DLG2: variants seen among roughly 807,000 people sequenced by gnomAD.
The protein encoded by DLG2 is disks large homolog 2.
In DLG2, 45 loss-of-function variants were observed where a neutral mutation model predicts 132.5. The observed-to-expected ratio is 0.34, with a 90% CI of 0.27 to 0.44. The LOEUF is 0.44. Among genes scored for constraint, DLG2 ranks in the 20% least tolerant of loss-of-function variants. The pLI is 1.00. For missense variants in DLG2, 1,045 were observed against 1,196.9 expected (o/e 0.87, Z 1.87); for synonymous variants, 424 against 419.6 (o/e 1.01, Z -0.13).
intron 7 of DLG2, among the ~76,000 whole-genome samples, chr11:84,341,013 T>C (rs1458815739): frequency 3.3e-5 from 5 of 152,158 alleles, no homozygotes; most frequent in Non-Finnish European, 7.3e-5. Context: ...CTGAGTAGTT[T>C]AAGGCTAAGG....
intron 2 of DLG2, among the ~76,000 whole-genome samples, chr11:85,604,749 T>C (rs537804568): frequency 5.3e-5 from 8 of 152,270 alleles, no homozygotes; most frequent in South Asian, 4.1e-4. Flanking sequence ...AACCAAGGGA[T>C]AGTGAATGTT....
At chr11:84,586,776 A>C (rs2099531053) in intron 6 of DLG2, among the ~76,000 whole-genome samples, 1 of 152,094 alleles carries the variant, frequency 6.6e-6, no homozygotes, top group Non-Finnish European at 1.5e-5. Flanking sequence ...CTAATCTTTT[A>C]ATGGTTACTT....
At chr11:84,200,129 C>G (rs532032815) in intron 8 of DLG2, among the ~76,000 whole-genome samples, 2 of 151,916 alleles carry the variant, frequency 1.3e-5, no homozygotes, top group South Asian at 4.2e-4. Flanking sequence ...CAAGACAAAC[C>G]AGTGATGTCT....
intron 18 of DLG2, among the ~76,000 whole-genome samples, chr11:83,734,338 C>CCCTTCCTTCCTT (rs563427546): frequency 1.0e-3 from 99 of 95,334 alleles, no homozygotes; most frequent in Non-Finnish European, 1.6e-3. Flanking sequence ...CACTAATTTT[C>CCCTTCCTTCCTT]CCTTCCTTCC....
chr11:84,460,296 T>A (rs1190805536), intron 7 of DLG2, among the ~76,000 whole-genome samples: 1 of 150,460 alleles, frequency 6.6e-6, no homozygotes, highest in Non-Finnish European at 1.5e-5. Flanking sequence ...TGAACGAGGG[T>A]AGGCCATAGA....
chr11:85,497,367 A>C (rs1233691621), intron 3 of DLG2, among the ~76,000 whole-genome samples: 1 of 151,966 alleles, frequency 6.6e-6, no homozygotes. Flanking sequence ...ACAAGGAGAC[A>C]AGATTATAGA....
intron 4 of DLG2, among the ~76,000 whole-genome samples, chr11:85,216,782 C>T (rs936538231): frequency 6.6e-6 from 1 of 152,102 alleles, no homozygotes; most frequent in East Asian, 1.9e-4. Flanking sequence ...CGGCAACCTC[C>T]ACCTCCCGGG....
rs1555194131 is a variant in DLG2 at position 83,945,845 on chromosome 11, T to TG, written c.1341-15363_1341-15362insC. 2.2e-3 allele frequency among the ~76,000 whole-genome samples: 336 copies of TG among 150,742 alleles called. 1 individual carries two copies. Among genetic ancestry groups the TG allele is most frequent in the African/African-American group, 8.1e-3 (329 of 40,796 alleles). ...GTGTGTGTGTGTGTGTGTGTGTGTGTTTTCTAATGTGCTTTTACTTTTTGC... is the reference window on the plus strand; with the variant it reads ...GTGTGTGTGTGTGTGTGTGTGTGTGTGTTTCTAATGTGCTTTTACTTTTTGC... On this transcript the variant is annotated intron_variant, in intron 14 of 27. Coordinates refer to ENST00000376104, the MANE Select transcript of DLG2 (RefSeq NM_001142699.3).
chr11:85,073,167 T>C (rs2066100975), intron 6 of DLG2, among the ~76,000 whole-genome samples: 1 of 151,878 alleles, frequency 6.6e-6, no homozygotes, highest in Non-Finnish European at 1.5e-5. Context: ...TAAAAACTGA[T>C]ATATTCATAC....
intron 18 of DLG2, among the ~76,000 whole-genome samples, chr11:83,673,004 G>A (rs1183878844): frequency 4.6e-5 from 7 of 152,166 alleles, no homozygotes; most frequent in African/African-American, 1.7e-4. Context: ...GGAGGTTGCA[G>A]TGAGCCAAGA....
chr11:83,734,135 A>G (rs2091492151), intron 18 of DLG2, among the ~76,000 whole-genome samples: 1 of 152,146 alleles, frequency 6.6e-6, no homozygotes, highest in Non-Finnish European at 1.5e-5. Flanking sequence ...ATATTTATCT[A>G]TAGACAGAAA....
At chr11:84,439,834 G>C (rs2099012223) in intron 7 of DLG2, among the ~76,000 whole-genome samples, 1 of 152,186 alleles carries the variant, frequency 6.6e-6, no homozygotes, top group Non-Finnish European at 1.5e-5. Flanking sequence ...TTAATGATTA[G>C]AAAATTTTGT....
chr11:83,993,825 T>C (rs1384131562), intron 11 of DLG2, among the ~76,000 whole-genome samples: 3 of 152,186 alleles, frequency 2.0e-5, no homozygotes, highest in Admixed American at 1.3e-4. Context: ...CTTGGAAGTA[T>C]ACAGATTCCA....
intron 19 of DLG2, among the ~76,000 whole-genome samples, chr11:83,606,222 A>T: frequency 6.6e-6 from 1 of 152,252 alleles, no homozygotes; most frequent in Non-Finnish European, 1.5e-5. Flanking sequence ...ACTACTATAC[A>T]TACTAGCATA....
intron 7 of DLG2, among the ~76,000 whole-genome samples, chr11:84,525,452 T>C (rs2099317394): frequency 1.3e-5 from 2 of 152,164 alleles, no homozygotes; most frequent in Admixed American, 1.3e-4. Context: ...CTACCTTCTA[T>C]ATGTAATATG....
At chr11:84,235,760 T>C (rs1470503328) in intron 8 of DLG2, among the ~76,000 whole-genome samples, 1 of 152,164 alleles carries the variant, frequency 6.6e-6, no homozygotes, top group Non-Finnish European at 1.5e-5. Flanking sequence ...TTATTACAAC[T>C]ACCGAGAGGC....
intron 3 of DLG2, among the ~76,000 whole-genome samples, chr11:85,562,793 A>G (rs2077328870): frequency 6.6e-6 from 1 of 151,772 alleles, no homozygotes; most frequent in Non-Finnish European, 1.5e-5. Flanking sequence ...AGAGCTAAAC[A>G]GTGAATTAGA....
chr11:83,469,169 CA>C, intron 25 of DLG2, 31 bp downstream of exon 25: 1 of 1,489,878 alleles, frequency 6.7e-7, no homozygotes, highest in Non-Finnish European at 9.0e-7. Context: ...AAACCTTCTT[CA>C]GGGGAGGTGT....
At chr11:83,937,455 C>T (rs867219773) in intron 14 of DLG2, among the ~76,000 whole-genome samples, 2 of 144,990 alleles carry the variant, frequency 1.4e-5, no homozygotes, top group African/African-American at 5.1e-5. Context: ...TTGCAGTGAG[C>T]CGAGATTGTG....
Sources: gnomAD v4.1 joint callset for allele counts (sites outside exome capture counted in the v4.1 genomes callset) on GRCh38, gnomAD v4.1.1 for gene constraint, MANE v1.5 for transcripts, NCBI Gene and HGNC (gene_info 2026-07-23, HGNC 2026-07-21) for gene names.